The following DDX20 variants were observed in gnomAD, a reference collection of about 807,000 sequenced individuals.
The protein encoded by DDX20 is DEAD-box helicase 20.
In DDX20, 61 loss-of-function variants were observed where a neutral mutation model predicts 76.4. The observed-to-expected ratio is 0.80, with a 90% CI of 0.65 to 0.99. The LOEUF (loss-of-function observed/expected upper bound fraction) is 0.99, where lower values mean the gene tolerates loss of function less well. Among genes scored for constraint, DDX20 ranks in the 50% least tolerant of loss-of-function variants. The probability of loss-of-function intolerance (pLI) is 0.00; values close to 1 mark genes in which losing one functional copy is unlikely to be tolerated. For missense variants in DDX20, 976 were observed against 996.8 expected (o/e 0.98, Z 0.28); for synonymous variants, 357 against 357.4 (o/e 1.00, Z 0.01).
rs758374802 is a variant in DDX20, at chr1:111,765,982, A to G, written c.1558A>G (p.Ser520Gly). The change falls in exon 11 of 11, where the codon AGC becomes GGC. Residue 520 changes from serine (S) to glycine (G), a missense_variant. Around this residue, in one of 3 missense-constraint regions of DDX20, gnomAD observed 630 missense variants for 693.7 expected, o/e 0.91. Coordinates refer to ENST00000369702, the MANE Select transcript of DDX20 (RefSeq NM_007204.5). ...TACCAAACAAAAGCTTCCTGTGAAA[A>G]GCCACTCAGAATGTGGAATCATAGA... is the stretch of plus-strand genomic sequence containing the variant. ...NNTKQKLPVK[S>G]HSECGIIEKA... 52 of 1,613,828 alleles carry G rather than the reference A, an allele frequency of 3.2e-5. No homozygotes were observed. In the Admixed American group the frequency reaches 4.2e-4, roughly 13 times the overall value.
chr1:111,757,061 G>GC (rs1553233667), intron 2 of DDX20, among the ~76,000 whole-genome samples: 1 of 144,966 alleles, frequency 6.9e-6, no homozygotes, highest in Non-Finnish European at 1.5e-5. Flanking sequence ...TGCAGAGTTT[G>GC]TTTTTTTTTT....
Position 111,756,055 on chromosome 1 carries a change from A to C in DDX20, c.131A>C (p.Gln44Pro), listed in dbSNP as rs1465744873. The change falls in exon 1 of 11, where the codon CAG becomes CCG. Residue 44 changes from glutamine to proline, a missense_variant. Gln to Pro is a moderately conservative substitution (Grantham distance 76). This residue lies in a region of DDX20 where 343 missense variants were observed against 286.4 expected (regional missense o/e 1.20). Transcript: ENST00000369702. ...PGPVRILRTA[Q>P]DLSSPRTRTG... ...CCTGTGAGGATCCTGCGGACCGCTC[A>C]GGATCTCAGCAGCCCGCGGACCCGC... 1.9e-6 allele frequency: 3 copies of C among 1,609,232 alleles called. No individual in the cohort carries two copies. The highest frequency in any genetic ancestry group is 2.7e-5 in the African/African-American group (2 of 74,866).
Position 111,766,319 on chromosome 1 carries a change from GAAAT to G in DDX20, c.1899_1902del (p.Asn633LysfsTer49). On this transcript the variant is annotated frameshift_variant, in exon 11 of 11. Transcript: ENST00000369702. LOFTEE classifies it high-confidence loss of function. ...GTGAATCCTCAAAATGGTTTTGTGA[GAAAT>G]AAAGTTATTGAACAGAGAGTCCCTG... 6.2e-7 allele frequency: 1 copy of G among 1,614,144 alleles called. No individual in the cohort carries two copies. The highest frequency in any genetic ancestry group is 1.1e-5 in the South Asian group (1 of 91,088).
chr1:111,755,942 A>G lies in DDX20; in HGVS notation c.18A>G (p.Glu6=). The G allele has an allele frequency of 1.3e-6, 2 of 1,577,464 alleles. No homozygotes were observed. Among genetic ancestry groups the G allele is most frequent in the South Asian group, 1.1e-5 (1 of 87,796 alleles). The stretch of plus-strand genomic sequence containing the variant: ...CGGCTACCATGGCGGCGGCATTTGA[A>G]GCCTCGGGAGCCTTAGCAGCAGTGG... MAAAF[E]ASGALAAVAT... Residue 6 remains glutamate, a synonymous_variant, in exon 1 of 11, where the codon GAA becomes GAG. Transcript: ENST00000369702.
At chr1:111,758,336 G>A (rs182534285) in intron 2 of DDX20, among the ~76,000 whole-genome samples, 62 of 147,824 alleles carry the variant, frequency 4.2e-4, no homozygotes, top group African/African-American at 1.5e-3. Context: ...AACAGTTTTG[G>A]CATGTTTTCT....
Position 111,766,553 on chromosome 1 carries a change from A to T in DDX20, c.2129A>T (p.Lys710Ile), listed in dbSNP as rs746865533. The change falls in exon 11 of 11, where the codon AAA (lysine) becomes ATA (isoleucine). Residue 710 changes from lysine to isoleucine, a missense_variant. Lys to Ile is a moderately radical substitution (Grantham distance 102, BLOSUM62 -3). Coordinates refer to ENST00000369702, the MANE Select transcript of DDX20 (RefSeq NM_007204.5). ...GGAAGTGACACCCCCAATCCAGAGAAATATCAAGAATCACCTGGAATCCAG... is the reference window on the plus strand; with the variant it reads ...GGAAGTGACACCCCCAATCCAGAGATATATCAAGAATCACCTGGAATCCAG... ...PNGSDTPNPE[K>I]YQESPGIQMK... The T allele has an allele frequency of 6.2e-7, 1 of 1,614,220 alleles. No homozygotes were observed. The highest frequency in any genetic ancestry group is 2.2e-5 in the East Asian group (1 of 44,890).
At position 111,762,312 on chromosome 1, in the gene DDX20, G is replaced by T. The variant is rs1188349007; in HGVS notation, c.1079G>T (p.Cys360Phe). 6.2e-7 allele frequency: 1 copy of T among 1,613,362 alleles called. No individual in the cohort carries two copies. The change falls in exon 8 of 11, where the codon TGC becomes TTC. Residue 360 changes from cysteine to phenylalanine, a missense_variant. This residue lies in a region of DDX20 where 630 missense variants were observed against 693.7 expected (regional missense o/e 0.91). Coordinates refer to ENST00000369702, the MANE Select transcript of DDX20 (RefSeq NM_007204.5). ...DAMAKLKHFH[C>F]RVLISTDLTS... ...ATGGCTAAACTGAAGCACTTTCATT[G>T]CAGAGTCCTCATTTCCACAGATTTG...
chr1:111,765,486 CTT>C (rs1322048511), intron 10 of DDX20, among the ~76,000 whole-genome samples: 1 of 152,132 alleles, frequency 6.6e-6, no homozygotes, highest in Non-Finnish European at 1.5e-5. Flanking sequence ...AGAGTAAGCT[CTT>C]TTTCTAGTGA....
chr1:111,765,828 T>TA lies in DDX20; in HGVS notation c.1406dup (p.Asn469LysfsTer23). 1 of 1,614,146 alleles carries TA rather than the reference T, an allele frequency of 6.2e-7. No individual in the cohort carries two copies. Among genetic ancestry groups the TA allele is most frequent in the South Asian group, 1.1e-5 (1 of 91,080 alleles). Reference sequence around the variant, plus strand: ...ATACATATGGTATAGCAAGTGTACCTAACCAACCCTTAAAAAAGCAAATTC... The same window carrying TA: ...ATACATATGGTATAGCAAGTGTACCTAAACCAACCCTTAAAAAAGCAAATTC... On this transcript the variant is annotated frameshift_variant, in exon 11 of 11. Coordinates refer to ENST00000369702, the MANE Select transcript of DDX20 (RefSeq NM_007204.5). LOFTEE classifies it high-confidence loss of function.
intron 7 of DDX20, chr1:111,761,838 G>A (rs940341483): frequency 6.4e-6 from 1 of 155,896 alleles, no homozygotes; most frequent in South Asian, 2.0e-4. Flanking sequence ...GCATGAGCTT[G>A]TTTAGTTATG....
intron 8 of DDX20, 40 bp downstream of exon 8, chr1:111,762,377 A>T (rs1446433938): frequency 6.8e-7 from 1 of 1,467,956 alleles, no homozygotes. Context: ...ATCCATCTTG[A>T]CATATGTTCT....
rs1294271048 is a variant in DDX20, at chr1:111,766,718, GT to G, written c.2299del (p.Ser767LeufsTer45). 4 of 1,614,202 alleles carry G rather than the reference GT, an allele frequency of 2.5e-6. No homozygotes were observed. Among genetic ancestry groups the G allele is most frequent in the Non-Finnish European group, 3.4e-6 (4 of 1,180,014 alleles). On this transcript the variant is annotated frameshift_variant, in exon 11 of 11. Coordinates refer to ENST00000369702, the MANE Select transcript of DDX20 (RefSeq NM_007204.5). LOFTEE classifies it high-confidence loss of function. ...WYDCHREIRLSFSDTYQDYEE... is the reference protein window; with the variant it reads ...WYDCHREIRLXFSDTYQDYEE... The stretch of plus-strand genomic sequence containing the variant: ...GACTGTCATAGGGAAATACGTCTGA[GT>G]TTTTCTGATACCTATCAGGATTATG...
rs1663777719 is a variant in DDX20, at chr1:111,766,297, A to G, written c.1873A>G (p.Asn625Asp). 1.2e-6 allele frequency: 2 copies of G among 1,614,192 alleles called. No individual in the cohort carries two copies. Among genetic ancestry groups the G allele is most frequent in the Middle Eastern group, 1.6e-4 (1 of 6,062 alleles). Residue 625 changes from asparagine (N) to aspartate (D), a missense_variant, in exon 11 of 11, where the codon AAT becomes GAT. Around this residue, in one of 3 missense-constraint regions of DDX20, gnomAD observed 630 missense variants for 693.7 expected, o/e 0.91. Transcript: ENST00000369702. ...HYTGPGDQTV[N>D]PQNGFVRNKV... ...CACAGGCCCTGGGGATCAGACTGTG[A>G]ATCCTCAAAATGGTTTTGTGAGAAA...
intron 2 of DDX20, among the ~76,000 whole-genome samples, chr1:111,757,874 G>A (rs1485326017): frequency 7.0e-6 from 1 of 143,482 alleles, no homozygotes; most frequent in Non-Finnish European, 1.5e-5. Context: ...ATTTTTTTTT[G>A]AGACCGAGTC....
At position 111,760,751 on chromosome 1, in the gene DDX20, A is replaced by G; in HGVS notation, c.726A>G (p.Val242=). The change falls in exon 5 of 11, where the codon GTA becomes GTG. Residue 242 remains valine (V), a synonymous_variant. Coordinates refer to ENST00000369702, the MANE Select transcript of DDX20 (RefSeq NM_007204.5). ...SLPASKQMLA[V]SATYPEFLAN... is the part of the protein sequence containing the mutation. Reference sequence around the variant, plus strand: ...CTGCCAGTAAACAGATGCTGGCAGTATCAGCTACTTATCCCGAATTTTTGG... The same window carrying G: ...CTGCCAGTAAACAGATGCTGGCAGTGTCAGCTACTTATCCCGAATTTTTGG... 1.2e-6 allele frequency: 2 copies of G among 1,613,814 alleles called. No homozygotes were observed. Among genetic ancestry groups the G allele is most frequent in the Non-Finnish European group, 1.7e-6 (2 of 1,179,906 alleles).
chr1:111,765,445 G>A (rs1020382514), intron 10 of DDX20, among the ~76,000 whole-genome samples: 3 of 152,194 alleles, frequency 2.0e-5, no homozygotes, highest in African/African-American at 7.2e-5. Context: ...GAAAAGATGG[G>A]AGAATTGTTG....
intron 10 of DDX20, among the ~76,000 whole-genome samples, chr1:111,764,713 G>T (rs1445415544): frequency 6.6e-6 from 1 of 152,176 alleles, no homozygotes; most frequent in Non-Finnish European, 1.5e-5. Flanking sequence ...ACTGGAAAAT[G>T]ATATATTTGG....
chr1:111,755,932 C>A lies in DDX20; in HGVS notation c.8C>A (p.Ala3Glu), dbSNP rs752387882. Residue 3 changes from alanine to glutamate, a missense_variant, in exon 1 of 11, where the codon GCG (alanine) becomes GAG (glutamate). By Grantham distance (107) the Ala-to-Glu change is moderately radical. Around this residue, in one of 3 missense-constraint regions of DDX20, gnomAD observed 343 missense variants for 286.4 expected, o/e 1.20. Coordinates refer to ENST00000369702, the MANE Select transcript of DDX20 (RefSeq NM_007204.5). Reference protein sequence around the residue: MAAAFEASGALAA... With the variant: MAEAFEASGALAA... ...TCTGACGGCGCGGCTACCATGGCGG[C>A]GGCATTTGAAGCCTCGGGAGCCTTA... The A allele has an allele frequency of 2.9e-5, 45 of 1,572,334 alleles. No homozygotes were observed. In the South Asian group the frequency reaches 5.0e-4, roughly 17 times the overall value.
At position 111,760,756 on chromosome 1, in the gene DDX20, C is replaced by G; in HGVS notation, c.731C>G (p.Ala244Gly). Reference protein sequence around the residue: ...PASKQMLAVSATYPEFLANAL... With the variant: ...PASKQMLAVSGTYPEFLANAL... ...AGTAAACAGATGCTGGCAGTATCAG[C>G]TACTTATCCCGAATTTTTGGCTAAT... The change falls in exon 5 of 11, where the codon GCT becomes GGT. Residue 244 changes from alanine to glycine, a missense_variant. Around this residue, in one of 3 missense-constraint regions of DDX20, gnomAD observed 630 missense variants for 693.7 expected, o/e 0.91. Coordinates refer to ENST00000369702, the MANE Select transcript of DDX20 (RefSeq NM_007204.5). 6.2e-7 allele frequency: 1 copy of G among 1,613,762 alleles called. No individual in the cohort carries two copies. The highest frequency in any genetic ancestry group is 8.5e-7 in the Non-Finnish European group (1 of 1,179,904).
Sources: allele counts gnomAD v4.1 joint callset (sites outside exome capture counted in the v4.1 genomes callset), GRCh38; gene constraint gnomAD v4.1.1; regional missense constraint gnomAD v4.1.1; transcripts MANE v1.5; gene names NCBI Gene and HGNC (gene_info 2026-07-23, HGNC 2026-07-21).